Variants in LZIC observed in about 807,000 individuals in gnomAD.
LZIC encodes the protein protein LZIC.
In LZIC, 28 loss-of-function variants were observed where a neutral mutation model predicts 25.4. That is an observed-to-expected ratio of 1.10 (90% CI 0.82 to 1.51). The LOEUF (loss-of-function observed/expected upper bound fraction) is 1.51. Among genes scored for constraint, LZIC ranks in the 40% most tolerant of loss-of-function variants. LZIC has a pLI of 0.00. For missense variants in LZIC, 170 were observed against 211.1 expected, an observed-to-expected ratio of 0.81 and a Z score of 1.21; for synonymous variants, 65 against 70.7, an observed-to-expected ratio of 0.92 and a Z score of 0.40.
At chr1:9,940,228 G>A (rs889200811) in intron 2 of LZIC, among the ~76,000 whole-genome samples, 1 of 152,004 alleles carries the variant, frequency 6.6e-6, no homozygotes. Flanking sequence ...CCAGGCTGGA[G>A]TGCAGTGGAG....
At position 9,926,912 on chromosome 1, in the gene LZIC, T is replaced by C. The variant is rs1179041685; in HGVS notation, c.*3487A>G. 6.6e-6 allele frequency among the ~76,000 whole-genome samples: 1 copy of C among 152,240 alleles called. No individual in the cohort carries two copies. Among genetic ancestry groups the C allele is most frequent in the Non-Finnish European group, 1.5e-5 (1 of 68,050 alleles). ...AATTTACTCACTTTTCAAATACTTA[T>C]TCTGAATGAATACCAAATTTGTGAA... On this transcript the variant is annotated 3_prime_UTR_variant, in exon 8 of 8. Coordinates refer to ENST00000377223, the MANE Select transcript of LZIC (RefSeq NM_032368.5).
chr1:9,928,857 ACT>A lies in LZIC; in HGVS notation c.*1540_*1541del, dbSNP rs1445482386. On this transcript the variant is annotated 3_prime_UTR_variant, in exon 8 of 8. Transcript: ENST00000377223. ...CTCCAGCCTGGGCAATAAGAGTAAA[ACT>A]CTGTCTCAAAAAAAAAAAAAAAAAG... The A allele has an allele frequency of 7.3e-6, 1 of 136,082 alleles. No individual in the cohort carries two copies. Among genetic ancestry groups the A allele is most frequent in the Non-Finnish European group, 1.6e-5 (1 of 62,486 alleles). 8.4% of individuals were successfully genotyped at this position (136,082 alleles called of 1,614,324 possible).
chr1:9,939,984 T>G (rs1010887648), intron 2 of LZIC, among the ~76,000 whole-genome samples: 2 of 151,782 alleles, frequency 1.3e-5, no homozygotes, highest in Non-Finnish European at 2.9e-5. Flanking sequence ...CTGGGCATGG[T>G]GGTGTGTGCT....
chr1:9,930,742 G>A (rs569552308), intron 7 of LZIC, among the ~76,000 whole-genome samples: 3 of 152,108 alleles, frequency 2.0e-5, no homozygotes, highest in East Asian at 3.9e-4. Flanking sequence ...TTTTTGAGAT[G>A]GAGTTTCGCT....
rs1014709913 is a variant in LZIC, at chr1:9,926,589, A to G, written c.*3810T>C. On this transcript the variant is annotated 3_prime_UTR_variant, in exon 8 of 8. Transcript: ENST00000377223. ...GTCTTACTGCTCACAAGATCAAAAG[A>G]AAACAGAACAAAACATTGAAACATC... Among the ~76,000 whole-genome samples the G allele has an allele frequency of 1.3e-5, 2 of 152,232 alleles. No homozygotes were observed. Among genetic ancestry groups the G allele is most frequent in the African/African-American group, 4.8e-5 (2 of 41,464 alleles).
chr1:9,930,272 T>C lies in LZIC; in HGVS notation c.*127A>G. 1.3e-6 allele frequency: 2 copies of C among 1,538,840 alleles called. No individual in the cohort carries two copies. The highest frequency in any genetic ancestry group is 1.7e-6 in the Non-Finnish European group (2 of 1,146,506). On this transcript the variant is annotated 3_prime_UTR_variant, in exon 8 of 8. Coordinates refer to ENST00000377223, the MANE Select transcript of LZIC (RefSeq NM_032368.5). ...CACAAGCCATAAGTATATTTTTATGTCGCTTTTTCTTAGGTTATTGATGCA... is the reference window on the plus strand; with the variant it reads ...CACAAGCCATAAGTATATTTTTATGCCGCTTTTTCTTAGGTTATTGATGCA...
At chr1:9,941,559 G>A (rs1023313926) in intron 2 of LZIC, among the ~76,000 whole-genome samples, 2 of 150,384 alleles carry the variant, frequency 1.3e-5, no homozygotes. Context: ...GAGTGCAGTG[G>A]CACGATCTCG....
Position 9,932,853 on chromosome 1 carries a change from T to C in LZIC, c.382A>G (p.Thr128Ala). ...GTTAGTATCTCCACTTTCTGTTGAG[T>C]GTACAGGTCTCTTTCCAGCTTTCCT... is the stretch of plus-strand genomic sequence containing the variant. ...MVGKLERDLYTQQKVEILTAL... is the reference protein window; with the variant it reads ...MVGKLERDLYAQQKVEILTAL... Residue 128 changes from threonine (T) to alanine (A), a missense_variant, in exon 6 of 8, where the codon ACT (threonine) becomes GCT (alanine). Coordinates refer to ENST00000377223, the MANE Select transcript of LZIC (RefSeq NM_032368.5). 1.2e-6 allele frequency: 2 copies of C among 1,613,122 alleles called. No individual in the cohort carries two copies. The highest frequency in any genetic ancestry group is 1.7e-6 in the Non-Finnish European group (2 of 1,179,218).
chr1:9,936,466 G>T, intron 3 of LZIC, 53 bp downstream of exon 3: 3 of 1,164,590 alleles, frequency 2.6e-6, no homozygotes, highest in South Asian at 1.2e-5. Flanking sequence ...CACGGAGCTA[G>T]CTGCAGAAAA....
chr1:9,934,673 G>T lies in LZIC; in HGVS notation c.336+89C>A, dbSNP rs967678138. 55 of 1,112,612 alleles carry T rather than the reference G, an allele frequency of 4.9e-5. 1 individual carries two copies. The highest frequency in any genetic ancestry group is 6.6e-5 in the Non-Finnish European group (49 of 744,732). The allele number at this position is 1,112,612 out of a possible 1,614,324, so 68.9% of individuals were successfully genotyped here. ...GTTAGTTGTGGCTCTAAAATCACCTGGCAAATTTTTAAGCCATAGGATATC... is the reference window on the plus strand; with the variant it reads ...GTTAGTTGTGGCTCTAAAATCACCTTGCAAATTTTTAAGCCATAGGATATC... On this transcript the variant is annotated intron_variant, in intron 5 of 7. Coordinates refer to ENST00000377223, the MANE Select transcript of LZIC (RefSeq NM_032368.5).
intron 2 of LZIC, among the ~76,000 whole-genome samples, chr1:9,941,978 G>A (rs1327120787): frequency 5.3e-5 from 8 of 150,874 alleles, no homozygotes; most frequent in East Asian, 2.0e-4. Flanking sequence ...GTGCAGTGGC[G>A]CGATCTCGGC....
Position 9,930,161 on chromosome 1 carries a change from G to A in LZIC, c.*238C>T. 3.9e-6 allele frequency: 5 copies of A among 1,280,686 alleles called. No homozygotes were observed. Among genetic ancestry groups the A allele is most frequent in the Non-Finnish European group, 5.0e-6 (5 of 1,008,086 alleles). 79.3% of individuals were successfully genotyped at this position (1,280,686 alleles called of 1,614,324 possible). On this transcript the variant is annotated 3_prime_UTR_variant, in exon 8 of 8. Coordinates refer to ENST00000377223, the MANE Select transcript of LZIC (RefSeq NM_032368.5). Reference sequence around the variant, plus strand: ...TTAAACAGACAAATCATAACGAACAGAGTCCAGTGAGTCCCTCTGTCGCAA... The same window carrying A: ...TTAAACAGACAAATCATAACGAACAAAGTCCAGTGAGTCCCTCTGTCGCAA...
chr1:9,934,906 T>C, intron 4 of LZIC, 46 bp from the exon 5 acceptor site: 1 of 1,352,848 alleles, frequency 7.4e-7, no homozygotes, highest in Non-Finnish European at 1.1e-6. Context: ...GTCCAACAAA[T>C]CAGATATTGC....
chr1:9,930,201 C>T lies in LZIC; in HGVS notation c.*198G>A, dbSNP rs1328037080. The T allele has an allele frequency of 1.4e-6, 2 of 1,410,060 alleles. No individual in the cohort carries two copies. Among genetic ancestry groups the T allele is most frequent in the African/African-American group, 2.9e-5 (2 of 69,960 alleles). The allele number at this position is 1,410,060 out of a possible 1,614,324, so 87.3% of individuals were successfully genotyped here. On this transcript the variant is annotated 3_prime_UTR_variant, in exon 8 of 8. Transcript: ENST00000377223. ...CTCTGTCGCAACAAGTTCAGGATCA[C>T]TCAAGCAGGTAACCGCACACAACGC... is the stretch of plus-strand genomic sequence containing the variant.
chr1:9,940,348 T>C (rs1196009407), intron 2 of LZIC, among the ~76,000 whole-genome samples: 1 of 152,038 alleles, frequency 6.6e-6, no homozygotes, highest in Admixed American at 6.6e-5. Flanking sequence ...AGCTTATTTT[T>C]TTTGTATTTT....
chr1:9,936,903 G>A (rs1017055225), intron 2 of LZIC, among the ~76,000 whole-genome samples: 1 of 152,172 alleles, frequency 6.6e-6, no homozygotes, highest in Non-Finnish European at 1.5e-5. Context: ...AGGCCGAGGC[G>A]GGTGGATCAC....
chr1:9,932,038 A>G, intron 6 of LZIC, 66 bp from the exon 7 acceptor site: 1 of 1,205,808 alleles, frequency 8.3e-7, no homozygotes, highest in Non-Finnish European at 1.2e-6. Context: ...GAAACCAGGT[A>G]AGAATGTCTT....
In LZIC at chr1:9,929,893, C is replaced by T. The variant is rs1438839678; in HGVS notation, c.*506G>A. ...TCTCTGATGCGACTTTAAGCAAAGT[C>T]GCTTGCTCTTTCTGGACCTCAGTTT... On this transcript the variant is annotated 3_prime_UTR_variant, in exon 8 of 8. Transcript: ENST00000377223. 1.0e-6 allele frequency: 1 copy of T among 956,090 alleles called. No homozygotes were observed. Among genetic ancestry groups the T allele is most frequent in the Non-Finnish European group, 1.2e-6 (1 of 803,288 alleles). 59.2% of individuals were successfully genotyped at this position (956,090 alleles called of 1,614,324 possible).
intron 2 of LZIC, among the ~76,000 whole-genome samples, chr1:9,941,133 A>T (rs1254441417): frequency 6.6e-6 from 1 of 151,640 alleles, no homozygotes; most frequent in Non-Finnish European, 1.5e-5. Context: ...CCTCCCAATC[A>T]CTAGGTTGTG....
Sources: gnomAD v4.1 joint callset for allele counts (sites outside exome capture counted in the v4.1 genomes callset) on GRCh38, gnomAD v4.1.1 for gene constraint, MANE v1.5 for transcripts, NCBI Gene and HGNC (gene_info 2026-07-23, HGNC 2026-07-21) for gene names.